FXR2: variants seen among roughly 807,000 people sequenced by gnomAD.
FXR2 encodes FMR1 autosomal homolog 2, also known as RNA-binding protein FXR2.
A neutral mutation model predicts 87.3 loss-of-function variants in FXR2; 9 were observed. The observed-to-expected ratio is 0.10, with a 90% CI of 0.06 to 0.18. The LOEUF (loss-of-function observed/expected upper bound fraction) is 0.18, where lower values mean the gene tolerates loss of function less well. FXR2 is among the 10% of genes least tolerant of loss of function. The pLI is 1.00. For synonymous variants in FXR2, 331 were observed against 328.3 expected, an observed-to-expected ratio of 1.01 and a Z score of -0.09; for missense variants, 661 against 893.6, an observed-to-expected ratio of 0.74 and a Z score of 3.32.
intron 7 of FXR2, among the ~76,000 whole-genome samples, chr17:7,597,202 G>A (rs1281040785): frequency 6.6e-6 from 1 of 152,180 alleles, no homozygotes; most frequent in Non-Finnish European, 1.5e-5. Flanking sequence ...GGGTTCAGGG[G>A]CAGGAAGACA....
At position 7,606,262 on chromosome 17, in the gene FXR2, C is replaced by T; in HGVS notation, c.82-113G>A. 3 of 686,216 alleles carry T rather than the reference C, an allele frequency of 4.4e-6. 1 individual carries two copies. The highest frequency in any genetic ancestry group is 3.4e-5 in the South Asian group (2 of 58,246). The allele number at this position is 686,216 out of a possible 1,614,324, so 42.5% of individuals were successfully genotyped here. A position where few individuals can be genotyped will look rare whatever the true frequency, so the allele number is the denominator to read the frequency against. On this transcript the variant is annotated intron_variant, in intron 1 of 16. Coordinates refer to ENST00000250113, the MANE Select transcript of FXR2 (RefSeq NM_004860.4). ...CTTAAACTTGAGTTTTAGATAGGGA[C>T]ACAAGTGGTGTAATGAGACAGCCTG...
In FXR2 at chr17:7,609,797, G is replaced by A. The variant is rs2071833455; in HGVS notation, c.82-3648C>T. Among the ~76,000 whole-genome samples, 5 of 151,372 alleles carry A rather than the reference G, an allele frequency of 3.3e-5. No individual in the cohort carries two copies. The Admixed American group carries it at 3.3e-4, about 10-fold the overall frequency. ...GTAATCCCAACACTTGGAGGCCGAG[G>A]TCGGTAGATCAGCTGAGGCCAGGAG... is the stretch of plus-strand genomic sequence containing the variant. On this transcript the variant is annotated intron_variant, in intron 1 of 16. Transcript: ENST00000250113.
At chr17:7,610,007 T>TATATATATATATACATGCATATGTATAC (rs1567754045) in intron 1 of FXR2, among the ~76,000 whole-genome samples, 2 of 76,974 alleles carry the variant, frequency 2.6e-5, no homozygotes, top group African/African-American at 9.6e-5. Context: ...TATGTATACA[T>TATATATATATATACATGCATATGTATAC]ATATATATAC....
intron 7 of FXR2, among the ~76,000 whole-genome samples, chr17:7,599,401 A>C (rs2071734787): frequency 6.6e-6 from 1 of 152,232 alleles, no homozygotes; most frequent in East Asian, 1.9e-4. Context: ...TGAAGAAGTC[A>C]AAGATTATCA....
intron 7 of FXR2, among the ~76,000 whole-genome samples, chr17:7,596,795 A>G (rs2071711171): frequency 6.6e-6 from 1 of 152,162 alleles, no homozygotes; most frequent in African/African-American, 2.4e-5. Context: ...ATAAAACTCA[A>G]CAACTTAAGT....
rs1312560284 is a variant in FXR2, at chr17:7,594,496, G to A, written c.911-149C>T. On this transcript the variant is annotated intron_variant, in intron 9 of 16. Transcript: ENST00000250113. The surrounding 1 kb of genome is among the most constrained non-coding windows in gnomAD (Gnocchi z 5.1). ...CTAGGTTTCTGATGTGTTTTTACAG[G>A]ACAAAATGTTACAATCCCTAGAAAT... 5 of 669,178 alleles carry A rather than the reference G, an allele frequency of 7.5e-6. No individual in the cohort carries two copies. Among genetic ancestry groups the A allele is most frequent in the Non-Finnish European group, 1.3e-5 (5 of 381,174 alleles). The allele number at this position is 669,178 out of a possible 1,614,324, so 41.5% of individuals were successfully genotyped here.
At chr17:7,597,027 G>A (rs961140762) in intron 7 of FXR2, among the ~76,000 whole-genome samples, 1 of 152,116 alleles carries the variant, frequency 6.6e-6, no homozygotes, top group African/African-American at 2.4e-5. Flanking sequence ...TTGAACCAGG[G>A]AGTTGGAGGT....
intron 6 of FXR2, chr17:7,602,660 T>A: frequency 3.3e-6 from 1 of 305,876 alleles, no homozygotes. Context: ...ACCCGGGAGG[T>A]GGAGGTTGCA....
intron 1 of FXR2, among the ~76,000 whole-genome samples, chr17:7,608,390 G>C (rs1389549541): frequency 1.3e-5 from 2 of 150,068 alleles, no homozygotes; most frequent in Non-Finnish European, 3.0e-5. Flanking sequence ...CCATGAGTTC[G>C]AGACTAGTCT....
chr17:7,603,044 T>C, intron 5 of FXR2, 42 bp from the exon 6 acceptor site: 1 of 994,350 alleles, frequency 1.0e-6, no homozygotes, highest in Non-Finnish European at 1.6e-6. Context: ...ATGCAGAGAG[T>C]ACAGTGAAGA....
chr17:7,602,067 A>T (rs1373785335), intron 6 of FXR2, among the ~76,000 whole-genome samples: 3 of 152,070 alleles, frequency 2.0e-5, no homozygotes, highest in African/African-American at 7.2e-5. Flanking sequence ...TCTATTTCTG[A>T]AAGTCCAAAT....
At chr17:7,613,865 C>T in intron 1 of FXR2, 1 of 357,416 alleles carries the variant, frequency 2.8e-6, no homozygotes, top group South Asian at 2.1e-5. Flanking sequence ...CTTGACTGAT[C>T]CAACCCAGGG....
chr17:7,603,692 G>T, intron 5 of FXR2, 65 bp downstream of exon 5: 1 of 1,514,940 alleles, frequency 6.6e-7, no homozygotes, highest in South Asian at 1.1e-5. Context: ...TGATGCCTGG[G>T]AGAAATAAAG....
Position 7,594,606 on chromosome 17 carries a change from G to C in FXR2, c.910+73C>G, listed in dbSNP as rs531486234. 1 of 997,202 alleles carries C rather than the reference G, an allele frequency of 1.0e-6. No homozygotes were observed. Among genetic ancestry groups the C allele is most frequent in the East Asian group, 2.4e-5 (1 of 42,088 alleles). The allele number at this position is 997,202 out of a possible 1,614,324, so 61.8% of individuals were successfully genotyped here. A position where few individuals can be genotyped will look rare whatever the true frequency, so the allele number is the denominator to read the frequency against. On this transcript the variant is annotated intron_variant, in intron 9 of 16. Transcript: ENST00000250113. This position sits in a 1 kb window ranked among gnomAD's most constrained non-coding sequence, Gnocchi z 5.1. ...GAGTCCACAGGGAGGTGCCAATCCTGGATAAAAGCTCAGAATCACTGTAGA... is the reference window on the plus strand; with the variant it reads ...GAGTCCACAGGGAGGTGCCAATCCTCGATAAAAGCTCAGAATCACTGTAGA...
intron 1 of FXR2, among the ~76,000 whole-genome samples, chr17:7,609,424 G>A (rs559025213): frequency 6.6e-6 from 1 of 152,272 alleles, no homozygotes; most frequent in Non-Finnish European, 1.5e-5. Context: ...TTGACTGAAT[G>A]TTCTTTCTTA....
intron 7 of FXR2, chr17:7,596,518 G>A (rs75839277): frequency 0.012 from 1,846 of 153,614 alleles, 34 homozygotes; most frequent in African/African-American, 0.042. Context: ...GGGAGGAAAG[G>A]TAAAGAGGGC....
chr17:7,592,344 A>G lies in FXR2; in HGVS notation c.1836T>C (p.Ala612=). ...ISGDRQPVTV[A]DYISRAESQS... Reference sequence around the variant, plus strand: ...GAGACTCTGCTCGTGAGATATAGTCAGCCACAGTCACTGGGGAAGGCAGGA... The same window carrying G: ...GAGACTCTGCTCGTGAGATATAGTCGGCCACAGTCACTGGGGAAGGCAGGA... Residue 612 remains alanine (A), a synonymous_variant, in exon 16 of 17, where the codon GCT becomes GCC. Coordinates refer to ENST00000250113, the MANE Select transcript of FXR2 (RefSeq NM_004860.4). The surrounding 1 kb of genome is among the most constrained non-coding windows in gnomAD (Gnocchi z 4.8). The G allele has an allele frequency of 2.5e-6, 4 of 1,611,906 alleles. No individual in the cohort carries two copies. Among genetic ancestry groups the G allele is most frequent in the Non-Finnish European group, 3.4e-6 (4 of 1,177,994 alleles).
In FXR2 at chr17:7,593,089, T is replaced by C. The variant is rs371092074; in HGVS notation, c.1423A>G (p.Thr475Ala). 1 of 1,592,508 alleles carries C rather than the reference T, an allele frequency of 6.3e-7. No individual in the cohort carries two copies. The highest frequency in any genetic ancestry group is 8.5e-7 in the Non-Finnish European group (1 of 1,170,762). The change falls in exon 13 of 17, where the codon ACC (threonine) becomes GCC (alanine). Residue 475 changes from threonine (T) to alanine (A), a missense_variant. By Grantham distance (58) the Thr-to-Ala change is moderately conservative. This residue lies in a region of FXR2 where 409 missense variants were observed against 432.0 expected (regional missense o/e 0.95). Coordinates refer to ENST00000250113, the MANE Select transcript of FXR2 (RefSeq NM_004860.4). This position sits in a 1 kb window ranked among gnomAD's most constrained non-coding sequence, Gnocchi z 6.1. Reference sequence around the variant, plus strand: ...CGCCTCCGGCTTTCTTCCCCTCGGGTTGGGGGATCCCTGTCGCCAGGCCCA... The same window carrying C: ...CGCCTCCGGCTTTCTTCCCCTCGGGCTGGGGGATCCCTGTCGCCAGGCCCA... ...RAGPGDRDPP[T>A]RGEESRRRPT... is the part of the protein sequence containing the mutation.
rs1394633903 is a variant in FXR2 at position 7,594,799 on chromosome 17, C to A, written c.832-42G>T. ...AGGGAGTTGTTACTAAAACAGAAGA[C>A]CAGCTGGATGTGGTGGCTCACGCCT... is the stretch of plus-strand genomic sequence containing the variant. On this transcript the variant is annotated intron_variant, in intron 8 of 16. Coordinates refer to ENST00000250113, the MANE Select transcript of FXR2 (RefSeq NM_004860.4). This position sits in a 1 kb window ranked among gnomAD's most constrained non-coding sequence, Gnocchi z 5.1. The A allele has an allele frequency of 8.2e-7, 1 of 1,226,756 alleles. No homozygotes were observed. Among genetic ancestry groups the A allele is most frequent in the African/African-American group, 1.5e-5 (1 of 67,552 alleles). The allele number at this position is 1,226,756 out of a possible 1,614,324, so 76.0% of individuals were successfully genotyped here.
Sources: gnomAD v4.1 joint callset for allele counts (sites outside exome capture counted in the v4.1 genomes callset) on GRCh38, gnomAD v4.1.1 for gene constraint, gnomAD v4.1.1 regional missense constraint, Gnocchi (gnomAD v3.1) non-coding constraint, MANE v1.5 for transcripts, NCBI Gene and HGNC (gene_info 2026-07-23, HGNC 2026-07-21) for gene names.